MAGI2: variants seen among roughly 807,000 people sequenced by gnomAD.
MAGI2 encodes the protein membrane-associated guanylate kinase, WW and PDZ domain-containing protein 2.
A neutral mutation model predicts 133.3 loss-of-function variants in MAGI2; 35 were observed. That is an observed-to-expected ratio of 0.26 (90% confidence interval 0.20 to 0.35). The LOEUF is 0.35. Ranked by LOEUF, MAGI2 falls within the 10% of genes least tolerant of loss-of-function variation. The pLI is 1.00. For missense variants in MAGI2, 1,636 were observed against 1,863.4 expected (o/e 0.88, Z 2.25); for synonymous variants, 729 against 710.6 (o/e 1.03, Z -0.41).
chr7:78,790,593 C>T (rs1219209312), intron 2 of MAGI2, among the ~76,000 whole-genome samples: 3 of 152,102 alleles, frequency 2.0e-5, no homozygotes, highest in Admixed American at 6.6e-5. Context: ...ACCACCATGC[C>T]CAGCTAATTT....
At chr7:78,223,446 G>A (rs1470806192) in intron 10 of MAGI2, among the ~76,000 whole-genome samples, 2 of 152,116 alleles carry the variant, frequency 1.3e-5, no homozygotes, top group Admixed American at 6.5e-5. Flanking sequence ...CTTGTAAAGA[G>A]GGAAGACATA....
intron 1 of MAGI2, among the ~76,000 whole-genome samples, chr7:79,375,022 C>G (rs1450962654): frequency 6.6e-6 from 1 of 151,906 alleles, no homozygotes; most frequent in East Asian, 1.9e-4. Context: ...CTTTCTTCCT[C>G]CTTGCCCAGG....
intron 1 of MAGI2, among the ~76,000 whole-genome samples, chr7:79,420,130 T>C (rs928841479): frequency 8.5e-5 from 13 of 152,106 alleles, no homozygotes; most frequent in African/African-American, 3.1e-4. Context: ...CCATGCTCTG[T>C]TCTGATTCTA....
At chr7:78,202,597 C>T (rs906662966) in intron 10 of MAGI2, among the ~76,000 whole-genome samples, 2 of 144,042 alleles carry the variant, frequency 1.4e-5, no homozygotes, top group African/African-American at 2.6e-5. Flanking sequence ...GCAGGAGAAT[C>T]GCTGGAACTC....
intron 10 of MAGI2, among the ~76,000 whole-genome samples, chr7:78,205,988 A>C (rs966816086): frequency 6.6e-6 from 1 of 152,184 alleles, no homozygotes; most frequent in Non-Finnish European, 1.5e-5. Context: ...GCCATTTTCA[A>C]ACTGCTTGAT....
chr7:79,106,077 G>T (rs1289639891), intron 1 of MAGI2, among the ~76,000 whole-genome samples: 1 of 152,104 alleles, frequency 6.6e-6, no homozygotes, highest in African/African-American at 2.4e-5. Context: ...AAAACAATTG[G>T]AGTCTAATAT....
At chr7:78,938,781 A>C (rs1205760313) in intron 2 of MAGI2, among the ~76,000 whole-genome samples, 3 of 152,206 alleles carry the variant, frequency 2.0e-5, no homozygotes, top group Non-Finnish European at 2.9e-5. Flanking sequence ...ATAACCTATT[A>C]TATGAGAGAT....
chr7:78,489,678 C>T, intron 6 of MAGI2, 83 bp downstream of exon 6: 1 of 975,002 alleles, frequency 1.0e-6, no homozygotes, highest in Non-Finnish European at 1.6e-6. Context: ...AGATTATTGC[C>T]TCTTCAGGTG....
intron 1 of MAGI2, among the ~76,000 whole-genome samples, chr7:79,440,058 T>A (rs1316690061): frequency 1.3e-5 from 2 of 152,138 alleles, no homozygotes; most frequent in Non-Finnish European, 2.9e-5. Flanking sequence ...TCTACTCTGC[T>A]TGGCAGTACT....
At chr7:79,162,881 T>A (rs1824506855) in intron 1 of MAGI2, among the ~76,000 whole-genome samples, 1 of 151,992 alleles carries the variant, frequency 6.6e-6, no homozygotes, top group Non-Finnish European at 1.5e-5. Flanking sequence ...TGACTTTTGG[T>A]TTTGTTCATT....
At chr7:79,394,337 A>T (rs919901997) in intron 1 of MAGI2, among the ~76,000 whole-genome samples, 2 of 152,198 alleles carry the variant, frequency 1.3e-5, no homozygotes, top group Non-Finnish European at 2.9e-5. Context: ...TAAAGACATA[A>T]GTATGTGAAA....
At chr7:78,575,590 G>A (rs1802185943) in intron 3 of MAGI2, among the ~76,000 whole-genome samples, 1 of 152,116 alleles carries the variant, frequency 6.6e-6, no homozygotes, top group Admixed American at 6.6e-5. Flanking sequence ...ACATGATGAA[G>A]CTTAATATCG....
intron 10 of MAGI2, chr7:78,252,932 C>G (rs1210096134): frequency 3.5e-5 from 4 of 114,836 alleles, no homozygotes; most frequent in African/African-American, 1.5e-4. Context: ...CAGAGTGAGA[C>G]TCTGTCTCCA....
At chr7:78,740,080 G>A (rs887153836) in intron 2 of MAGI2, among the ~76,000 whole-genome samples, 3 of 151,794 alleles carry the variant, frequency 2.0e-5, no homozygotes, top group Non-Finnish European at 4.4e-5. Context: ...AGAATGGCGT[G>A]AACCCGGGAG....
At chr7:79,202,655 T>C (rs1244047379) in intron 1 of MAGI2, among the ~76,000 whole-genome samples, 1 of 152,002 alleles carries the variant, frequency 6.6e-6, no homozygotes, top group Non-Finnish European at 1.5e-5. Context: ...AAACGTTTAT[T>C]TGGGAAAATA....
Position 78,975,842 on chromosome 7 carries a change from A to G in MAGI2, c.418+31248T>C, listed in dbSNP as rs1462893955. ...CAGAAATGAAAGAAGTTTCTTTACT[A>G]CTGATTGCATGAAGATTGAAAAGAT... On this transcript the variant is annotated intron_variant, in intron 2 of 21. Coordinates refer to ENST00000354212, the MANE Select transcript of MAGI2 (RefSeq NM_012301.4). 2.0e-5 allele frequency among the ~76,000 whole-genome samples: 3 copies of G among 151,734 alleles called. No individual in the cohort carries two copies. In the East Asian group the frequency reaches 5.8e-4, roughly 30 times the overall value.
At chr7:78,998,027 T>C (rs1385824140) in intron 2 of MAGI2, among the ~76,000 whole-genome samples, 1 of 152,162 alleles carries the variant, frequency 6.6e-6, no homozygotes, top group African/African-American at 2.4e-5. Flanking sequence ...TATTTTCCCA[T>C]CCATTTACTA....
At chr7:79,028,231 GTATGTATATATATA>G (rs1810110410) in intron 1 of MAGI2, among the ~76,000 whole-genome samples, 20 of 30,880 alleles carry the variant, frequency 6.5e-4, no homozygotes, top group South Asian at 1.0e-3. Flanking sequence ...ATATATATAT[GTATGTATATATATA>G]TATATATATA....
At chr7:78,324,932 C>T (rs1247834734) in intron 9 of MAGI2, among the ~76,000 whole-genome samples, 1 of 152,162 alleles carries the variant, frequency 6.6e-6, no homozygotes, top group African/African-American at 2.4e-5. Flanking sequence ...CGCCATTGTA[C>T]TCCAGCCTGG....
Sources: gnomAD v4.1 joint callset for allele counts (sites outside exome capture counted in the v4.1 genomes callset) on GRCh38, gnomAD v4.1.1 for gene constraint, MANE v1.5 for transcripts, NCBI Gene and HGNC (gene_info 2026-07-23, HGNC 2026-07-21) for gene names.